PRKAR1B: variants seen among roughly 807,000 people sequenced by gnomAD.
The protein encoded by PRKAR1B is protein kinase cAMP-dependent type I regulatory subunit beta, also known as cAMP-dependent protein kinase type I-beta regulatory subunit.
A neutral mutation model predicts 46.5 loss-of-function variants in PRKAR1B; 22 were observed. The observed-to-expected ratio is 0.47, with a 90% CI of 0.34 to 0.68. The LOEUF is 0.68. PRKAR1B is among the 30% of genes least tolerant of loss of function. The pLI is 0.01. For synonymous variants in PRKAR1B, 259 were observed against 217.7 expected (o/e 1.19, Z -1.67); for missense variants, 445 against 535.6 (o/e 0.83, Z 1.67).
At chr7:610,983 C>T (rs999956261) in intron 4 of PRKAR1B, among the ~76,000 whole-genome samples, 4 of 152,214 alleles carry the variant, frequency 2.6e-5, no homozygotes, top group East Asian at 1.9e-4. Flanking sequence ...AAGAAAAACA[C>T]GAAGACATTC....
chr7:724,128 G>C (rs149230427), intron 1 of PRKAR1B, among the ~76,000 whole-genome samples: 21 of 152,208 alleles, frequency 1.4e-4, no homozygotes, highest in Admixed American at 4.6e-4. Flanking sequence ...TATGAATTTT[G>C]GGGAGACGCC....
chr7:551,442 G>A lies in PRKAR1B; in HGVS notation c.920C>T (p.Ser307Phe), dbSNP rs1213553033. 1.3e-6 allele frequency: 2 copies of A among 1,559,126 alleles called. No homozygotes were observed. Among genetic ancestry groups the A allele is most frequent in the Non-Finnish European group, 1.7e-6 (2 of 1,151,218 alleles). ...EGTASVLQRR[S>F]PNEEYVEVGR... The stretch of plus-strand genomic sequence containing the variant: ...CACCTCCACGTACTCCTCATTGGGG[G>A]ACCGGCGCTGCAGCACGGACGCGGT... Residue 307 changes from serine to phenylalanine, a missense_variant, in exon 10 of 11, where the codon TCC becomes TTC. Around this residue, in one of 5 missense-constraint regions of PRKAR1B, gnomAD observed 127 missense variants for 138.0 expected, o/e 0.92. Coordinates refer to ENST00000537384, the MANE Select transcript of PRKAR1B (RefSeq NM_001164760.2).
At chr7:685,030 C>A (rs1025848845) in intron 2 of PRKAR1B, among the ~76,000 whole-genome samples, 1 of 151,662 alleles carries the variant, frequency 6.6e-6, no homozygotes, top group Non-Finnish European at 1.5e-5. Context: ...TGTGGTTTGT[C>A]CCTCCTGAAA....
At chr7:654,810 C>A (rs1477494625) in intron 4 of PRKAR1B, among the ~76,000 whole-genome samples, 1 of 152,120 alleles carries the variant, frequency 6.6e-6, no homozygotes, top group Non-Finnish European at 1.5e-5. Flanking sequence ...ATTTTTATCA[C>A]CATTACCATC....
intron 4 of PRKAR1B, among the ~76,000 whole-genome samples, chr7:650,302 C>T (rs1391568359): frequency 1.3e-5 from 2 of 152,182 alleles, no homozygotes; most frequent in Non-Finnish European, 2.9e-5. Flanking sequence ...CCTAGAGGGT[C>T]TGCATCCCAA....
At chr7:654,275 TTCACCACCA>T (rs993609469) in intron 4 of PRKAR1B, among the ~76,000 whole-genome samples, 1 of 130,096 alleles carries the variant, frequency 7.7e-6, no homozygotes, top group Non-Finnish European at 1.7e-5. Flanking sequence ...CATCACCATC[TTCACCACCA>T]TCACCATCAT....
At chr7:720,766 C>T (rs543418212) in intron 1 of PRKAR1B, among the ~76,000 whole-genome samples, 13 of 152,308 alleles carry the variant, frequency 8.5e-5, no homozygotes, top group African/African-American at 2.9e-4. Context: ...CAGCCACTCC[C>T]GCTTTTTAAA....
At position 667,998 on chromosome 7, in the gene PRKAR1B, A is replaced by G; in HGVS notation, c.440+9231T>C. Among the ~76,000 whole-genome samples the G allele has an allele frequency of 6.6e-6, 1 of 152,142 alleles. No homozygotes were observed. Among genetic ancestry groups the G allele is most frequent in the East Asian group, 1.9e-4 (1 of 5,194 alleles). On this transcript the variant is annotated intron_variant, in intron 4 of 10. Coordinates refer to ENST00000537384, the MANE Select transcript of PRKAR1B (RefSeq NM_001164760.2). This position sits in a 1 kb window ranked among gnomAD's most constrained non-coding sequence, Gnocchi z 4.3. ...TCCAAGCTTACGTATCTCTCGCACA[A>G]CCTTATGTATCTCCCACACTGTTAC...
intron 3 of PRKAR1B, among the ~76,000 whole-genome samples, chr7:678,323 T>C (rs1562609164): frequency 6.6e-6 from 1 of 152,052 alleles, no homozygotes; most frequent in African/African-American, 2.4e-5. Flanking sequence ...GTAAAAAATA[T>C]GGTATCATAA....
At chr7:578,146 A>G (rs1488161143) in intron 9 of PRKAR1B, among the ~76,000 whole-genome samples, 1 of 152,176 alleles carries the variant, frequency 6.6e-6, no homozygotes, top group East Asian at 1.9e-4. Flanking sequence ...CCAGTCCTCA[A>G]TTAGGTCCAG....
At chr7:552,030 T>C (rs868514862) in intron 9 of PRKAR1B, among the ~76,000 whole-genome samples, 148 of 29,588 alleles carry the variant, frequency 5.0e-3, no homozygotes, top group Non-Finnish European at 6.8e-3. Context: ...TCTCCAGAGC[T>C]ACTGCCACCA....
chr7:656,462 T>G (rs1785196872), intron 4 of PRKAR1B, among the ~76,000 whole-genome samples: 1 of 152,156 alleles, frequency 6.6e-6, no homozygotes, highest in South Asian at 2.1e-4. Context: ...AGTGGATAAA[T>G]GAGTGAATGG....
At chr7:594,534 G>A (rs1368058131) in intron 7 of PRKAR1B, among the ~76,000 whole-genome samples, 3 of 152,166 alleles carry the variant, frequency 2.0e-5, no homozygotes, top group Admixed American at 2.0e-4. Context: ...GGAGGGGTGC[G>A]GCCACCCAAA....
At chr7:708,018 C>T (rs1780424870) in intron 2 of PRKAR1B, among the ~76,000 whole-genome samples, 1 of 151,600 alleles carries the variant, frequency 6.6e-6, no homozygotes, top group South Asian at 2.1e-4. Context: ...TGATCACCAG[C>T]ACCACCCAGA....
At chr7:673,648 CAA>C (rs35930924) in intron 4 of PRKAR1B, among the ~76,000 whole-genome samples, 21 of 131,512 alleles carry the variant, frequency 1.6e-4, no homozygotes, top group South Asian at 2.4e-4. Context: ...GACTCCATCT[CAA>C]AAAAAAAAAA....
At chr7:574,176 G>C (rs1213671564) in intron 9 of PRKAR1B, among the ~76,000 whole-genome samples, 1 of 152,244 alleles carries the variant, frequency 6.6e-6, no homozygotes, top group East Asian at 1.9e-4. Context: ...GCTCTGCAGT[G>C]AATAATGGGT....
At chr7:717,245 T>A (rs574989978) in intron 1 of PRKAR1B, among the ~76,000 whole-genome samples, 1 of 150,074 alleles carries the variant, frequency 6.7e-6, no homozygotes, top group East Asian at 2.0e-4. Context: ...GCTGAGAGCA[T>A]GCCACTCCGT....
intron 4 of PRKAR1B, among the ~76,000 whole-genome samples, chr7:624,348 G>A (rs71518326): frequency 0.56 from 84,950 of 151,894 alleles, 24,841 homozygotes; most frequent in South Asian, 0.81. Flanking sequence ...CAGGAGAATC[G>A]CTTGAATCCA....
At chr7:555,121 A>T (rs1056608709) in intron 9 of PRKAR1B, among the ~76,000 whole-genome samples, 28 of 151,880 alleles carry the variant, frequency 1.8e-4, no homozygotes, top group Non-Finnish European at 2.9e-5. Flanking sequence ...TCCTGGAAAC[A>T]TCCCCTCACT....
Sources: allele counts gnomAD v4.1 joint callset (sites outside exome capture counted in the v4.1 genomes callset), GRCh38; gene constraint gnomAD v4.1.1; regional missense constraint gnomAD v4.1.1; non-coding constraint Gnocchi (gnomAD v3.1); transcripts MANE v1.5; gene names NCBI Gene and HGNC (gene_info 2026-07-23, HGNC 2026-07-21).